VAV3: variants seen among roughly 807,000 people sequenced by gnomAD.
VAV3 encodes the protein guanine nucleotide exchange factor VAV3.
Under a neutral mutation model 131.2 loss-of-function variants are expected in VAV3, and 94 were observed. The ratio of observed to expected loss-of-function variants is 0.72; its 90% CI spans 0.61 to 0.85. The LOEUF (loss-of-function observed/expected upper bound fraction) is 0.85, where lower values mean the gene tolerates loss of function less well. VAV3 is among the 40% of genes least tolerant of loss of function. The pLI is 0.00. For synonymous variants in VAV3, 349 were observed against 342.0 expected (o/e 1.02, Z -0.22); for missense variants, 939 against 1,002.7 (o/e 0.94, Z 0.86).
At chr1:107,785,521 G>A (rs1437550420) in intron 2 of VAV3, 1 of 1,293,164 alleles carries the variant, frequency 7.7e-7, no homozygotes, top group Admixed American at 2.8e-5. Context: ...TGCAAGACGA[G>A]CTTGGGGGTT....
chr1:107,748,225 A>G lies in VAV3; in HGVS notation c.1502+743T>C, dbSNP rs144535456. On this transcript the variant is annotated intron_variant, in intron 15 of 26. Transcript: ENST00000370056. The stretch of plus-strand genomic sequence containing the variant: ...ACAAATTCCAAATGTAGTTTTCCTT[A>G]ATTTCCCCTTTTGCTAACAGTTTTA... Among the ~76,000 whole-genome samples the G allele has an allele frequency of 4.6e-5, 7 of 152,292 alleles. No homozygotes were observed. In the East Asian group the frequency reaches 1.3e-3, roughly 29 times the overall value.
chr1:107,845,751 A>G (rs931140218), intron 2 of VAV3, among the ~76,000 whole-genome samples: 4 of 152,188 alleles, frequency 2.6e-5, no homozygotes, highest in Admixed American at 6.6e-5. Flanking sequence ...GATTAGAGAA[A>G]AAAGAATGAA....
intron 20 of VAV3, among the ~76,000 whole-genome samples, chr1:107,634,694 C>A (rs7414405): frequency 0.36 from 52,379 of 145,008 alleles, 9,711 homozygotes; most frequent in East Asian, 0.46. Flanking sequence ...CAACCTACAA[C>A]ATGGGAGAAA....
intron 1 of VAV3, among the ~76,000 whole-genome samples, chr1:107,915,917 T>C (rs537546868): frequency 1.3e-5 from 2 of 151,346 alleles, no homozygotes; most frequent in Non-Finnish European, 2.9e-5. Context: ...TTAGACACTA[T>C]ACAAATAATA....
intron 20 of VAV3, among the ~76,000 whole-genome samples, chr1:107,642,209 C>T (rs956703896): frequency 7.9e-5 from 12 of 152,084 alleles, no homozygotes; most frequent in South Asian, 2.1e-4. Context: ...GCACAAGATA[C>T]AGGTCATAAA....
intron 19 of VAV3, among the ~76,000 whole-genome samples, chr1:107,666,026 T>C (rs1657383965): frequency 6.6e-6 from 1 of 152,146 alleles, no homozygotes; most frequent in African/African-American, 2.4e-5. Flanking sequence ...GCTCCCAAGG[T>C]CACTATGTTC....
intron 25 of VAV3, chr1:107,578,903 G>A: frequency 6.1e-6 from 6 of 985,026 alleles, no homozygotes; most frequent in Non-Finnish European, 7.2e-6. Context: ...AGAGAGAAAT[G>A]ATAAGCCAGT....
chr1:107,659,109 C>G (rs1195328852), intron 19 of VAV3, among the ~76,000 whole-genome samples: 1 of 151,992 alleles, frequency 6.6e-6, no homozygotes, highest in Non-Finnish European at 1.5e-5. Context: ...TTTAATCCAT[C>G]TTGAATTAAT....
intron 2 of VAV3, among the ~76,000 whole-genome samples, chr1:107,872,972 T>C (rs1275043912): frequency 2.0e-5 from 3 of 152,324 alleles, no homozygotes; most frequent in African/African-American, 7.2e-5. Context: ...TGAAGCTATA[T>C]CACAAATTCT....
intron 2 of VAV3, among the ~76,000 whole-genome samples, chr1:107,827,883 C>T (rs1379848325): frequency 1.3e-5 from 2 of 152,156 alleles, no homozygotes; most frequent in Non-Finnish European, 2.9e-5. Flanking sequence ...GAATTTATTT[C>T]ATACTAGTTA....
chr1:107,652,157 T>C (rs545307839), intron 19 of VAV3, among the ~76,000 whole-genome samples: 1 of 152,202 alleles, frequency 6.6e-6, no homozygotes, highest in East Asian at 1.9e-4. Context: ...TAAAACAGAT[T>C]GCAGTAAAGA....
chr1:107,923,809 G>A (rs568351983), intron 1 of VAV3, among the ~76,000 whole-genome samples: 317 of 152,248 alleles, frequency 2.1e-3, no homozygotes, highest in Non-Finnish European at 3.3e-3. Context: ...TGAGATTTCG[G>A]TGGGGACACA....
At chr1:107,638,490 C>G (rs918176360) in intron 20 of VAV3, among the ~76,000 whole-genome samples, 1 of 152,028 alleles carries the variant, frequency 6.6e-6, no homozygotes, top group Non-Finnish European at 1.5e-5. Flanking sequence ...ATGTATATGA[C>G]CTTAACTCTG....
intron 2 of VAV3, among the ~76,000 whole-genome samples, chr1:107,837,422 T>C (rs1668523701): frequency 6.6e-6 from 1 of 151,954 alleles, no homozygotes; most frequent in South Asian, 2.1e-4. Flanking sequence ...GAACATTTCC[T>C]GATTGGAAAA....
rs1219509706 is a variant in VAV3 at position 107,574,074 on chromosome 1, G to A, written c.2475C>T (p.Gly825=). ...TGCCATTTACTTCTCCTCTCCACCA[G>A]CCATTTGCACTCATCTTTGTGTAAA... ...VKIYTKMSAN[G]WWRGEVNGRV... The change falls in exon 26 of 27, where the codon GGC becomes GGT. Residue 825 remains glycine (G), a synonymous_variant. Coordinates refer to ENST00000370056, the MANE Select transcript of VAV3 (RefSeq NM_006113.5). 6.2e-7 allele frequency: 1 copy of A among 1,613,910 alleles called. No homozygotes were observed.
chr1:107,654,590 C>T (rs1656406497), intron 19 of VAV3, among the ~76,000 whole-genome samples: 1 of 152,050 alleles, frequency 6.6e-6, no homozygotes, highest in Non-Finnish European at 1.5e-5. Context: ...AAACTACTAA[C>T]TCTCTCCCTG....
At chr1:107,956,240 G>A (rs1456783597) in intron 1 of VAV3, among the ~76,000 whole-genome samples, 1 of 152,202 alleles carries the variant, frequency 6.6e-6, no homozygotes, top group Non-Finnish European at 1.5e-5. Flanking sequence ...CGAGTTGAGA[G>A]AAAGAAGGGA....
intron 2 of VAV3, among the ~76,000 whole-genome samples, chr1:107,816,309 T>C (rs1027377953): frequency 2.0e-5 from 3 of 152,254 alleles, no homozygotes; most frequent in East Asian, 1.9e-4. Context: ...TATTTTCTCA[T>C]ATAAAGTGAT....
intron 15 of VAV3, among the ~76,000 whole-genome samples, chr1:107,728,048 C>T (rs2101952436): frequency 6.6e-6 from 1 of 152,192 alleles, no homozygotes; most frequent in East Asian, 1.9e-4. Flanking sequence ...CAGGAGTGGC[C>T]TGCTGGAAAT....
Sources: gnomAD v4.1 joint callset for allele counts (sites outside exome capture counted in the v4.1 genomes callset) on GRCh38, gnomAD v4.1.1 for gene constraint, MANE v1.5 for transcripts, NCBI Gene and HGNC (gene_info 2026-07-23, HGNC 2026-07-21) for gene names.